The following ALS2CL variants were observed in gnomAD, a reference collection of about 807,000 sequenced individuals.
ALS2CL encodes the protein ALS2 C-terminal-like protein.
A neutral mutation model predicts 127.9 loss-of-function variants in ALS2CL; 112 were observed. The observed-to-expected ratio is 0.88, with a 90% CI of 0.75 to 1.02. The LOEUF (loss-of-function observed/expected upper bound fraction) is 1.02, where lower values mean the gene tolerates loss of function less well. ALS2CL is among the 50% of genes least tolerant of loss of function. ALS2CL has a pLI of 0.00. For synonymous variants in ALS2CL, 519 were observed against 527.6 expected (o/e 0.98, Z 0.22); for missense variants, 1,174 against 1,236.7 (o/e 0.95, Z 0.76).
At chr3:46,671,373 T>G in intron 25 of ALS2CL, 115 bp downstream of exon 25, 86 of 1,486,424 alleles carry the variant, frequency 5.8e-5, no homozygotes, top group Non-Finnish European at 7.0e-5. Context: ...GAGTCACACA[T>G]GAGCTGTGAA....
chr3:46,683,939 T>C (rs1699568019), intron 8 of ALS2CL, 50 bp downstream of exon 8: 1 of 1,612,970 alleles, frequency 6.2e-7, no homozygotes. Flanking sequence ...GCAGGTGTCA[T>C]GGGGGTAAAG....
In ALS2CL at chr3:46,681,687, C is replaced by G. The variant is rs144068341; in HGVS notation, c.1176-89G>C. ...ATGCCACCCAGGAGTATCCCTGCCC[C>G]CAAGGAGCCTTCCAGACAACAGGGA... On this transcript the variant is annotated intron_variant, in intron 11 of 25. Transcript: ENST00000318962. The surrounding 1 kb of genome is among the most constrained non-coding windows in gnomAD (Gnocchi z 4.9). The G allele has an allele frequency of 3.2e-4, 426 of 1,328,022 alleles. 1 individual carries two copies. In the African/African-American group the frequency reaches 5.2e-3, roughly 16 times the overall value. 82.3% of individuals were successfully genotyped at this position (1,328,022 alleles called of 1,614,324 possible). A position where few individuals can be genotyped will look rare whatever the true frequency, so the allele number is the denominator to read the frequency against.
rs778298581 is a variant in ALS2CL at position 46,681,329 on chromosome 3, C to G, written c.1353G>C (p.Pro451=). Residue 451 remains proline, a synonymous_variant, in exon 13 of 26, where the codon CCG becomes CCC. Coordinates refer to ENST00000318962, the MANE Select transcript of ALS2CL (RefSeq NM_147129.5). The surrounding 1 kb of genome is among the most constrained non-coding windows in gnomAD (Gnocchi z 4.9). ...RHGFGVLESG[P]QAPQPFRYTG... is the part of the protein sequence containing the mutation. ...TGTACCTGAAGGGCTGGGGGGCCTG[C>G]GGACCACTCTCAAGGACCCCAAATC... The G allele has an allele frequency of 2.5e-6, 4 of 1,613,426 alleles. No homozygotes were observed. Among genetic ancestry groups the G allele is most frequent in the Non-Finnish European group, 3.4e-6 (4 of 1,179,648 alleles).
chr3:46,686,296 C>T lies in ALS2CL; in HGVS notation c.666+12G>A, dbSNP rs114487642. 2.5e-6 allele frequency: 4 copies of T among 1,602,342 alleles called. No homozygotes were observed. Among genetic ancestry groups the T allele is most frequent in the African/African-American group, 1.3e-5 (1 of 74,680 alleles). Reference sequence around the variant, plus strand: ...ACCCCCTCCCTAACTGCCCCTCAGGCCCCCAACTCACCCTCAGCCGGCCTC... The same window carrying T: ...ACCCCCTCCCTAACTGCCCCTCAGGTCCCCAACTCACCCTCAGCCGGCCTC... On this transcript the variant is annotated intron_variant, in intron 6 of 25. Coordinates refer to ENST00000318962, the MANE Select transcript of ALS2CL (RefSeq NM_147129.5). The surrounding 1 kb of genome is among the most constrained non-coding windows in gnomAD (Gnocchi z 4.3).
In ALS2CL at chr3:46,678,657, C is replaced by A. The variant is rs183344123; in HGVS notation, c.1627-268G>T. Among the ~76,000 whole-genome samples the A allele has an allele frequency of 2.7e-3, 409 of 152,294 alleles. 1 individual carries two copies. The highest frequency in any genetic ancestry group is 0.017 in the Middle Eastern group (5 of 294). On this transcript the variant is annotated intron_variant, in intron 15 of 25. Transcript: ENST00000318962. ...GAGAGATGCAGAAGGGACTCACAGG[C>A]AAGAGTGGGGAGACCACCACTGAGG...
chr3:46,685,440 C>A, intron 7 of ALS2CL, 85 bp downstream of exon 7: 2 of 1,564,458 alleles, frequency 1.3e-6, no homozygotes, highest in South Asian at 1.2e-5. Flanking sequence ...TCAGTCCCAG[C>A]AGCATGCCCC....
At position 46,681,475 on chromosome 3, in the gene ALS2CL, G is replaced by T; in HGVS notation, c.1274+25C>A. ...AGCCCAGAGGATGGGCCCAGCCCATGAACCCCCCAGCCAGGGTCACTTACT... is the reference window on the plus strand; with the variant it reads ...AGCCCAGAGGATGGGCCCAGCCCATTAACCCCCCAGCCAGGGTCACTTACT... On this transcript the variant is annotated intron_variant, in intron 12 of 25. Coordinates refer to ENST00000318962, the MANE Select transcript of ALS2CL (RefSeq NM_147129.5). This position sits in a 1 kb window ranked among gnomAD's most constrained non-coding sequence, Gnocchi z 4.9. The T allele has an allele frequency of 6.2e-7, 1 of 1,613,960 alleles. No individual in the cohort carries two copies. Among genetic ancestry groups the T allele is most frequent in the Non-Finnish European group, 8.5e-7 (1 of 1,179,882 alleles).
Position 46,688,107 on chromosome 3 carries a change from G to A in ALS2CL, c.293C>T (p.Ala98Val), listed in dbSNP as rs775134849. 2.4e-5 allele frequency: 39 copies of A among 1,613,074 alleles called. No homozygotes were observed. The highest frequency in any genetic ancestry group is 3.1e-5 in the Non-Finnish European group (37 of 1,179,984). The stretch of plus-strand genomic sequence containing the variant: ...CCTCCAGTGGTCTTACTCTATGTGG[G>A]CCTGCAGTACACGGTCAGCACCTCG... The part of the protein sequence containing the change: ...LLRGADRVLQ[A>V]HIEYIESYTS... The change falls in exon 3 of 26, where the codon GCC (alanine) becomes GTC (valine). Residue 98 changes from alanine to valine, a missense_variant. Ala to Val is a moderately conservative substitution (Grantham distance 64). Coordinates refer to ENST00000318962, the MANE Select transcript of ALS2CL (RefSeq NM_147129.5).
intron 13 of ALS2CL, chr3:46,680,972 A>C (rs1028665339): frequency 5.1e-6 from 3 of 586,166 alleles, no homozygotes; most frequent in African/African-American, 1.9e-5. Flanking sequence ...GAGAGCCAGC[A>C]AGGGCTGCAG....
chr3:46,679,310 G>A, intron 14 of ALS2CL, 23 bp from the exon 15 acceptor site: 1 of 1,553,662 alleles, frequency 6.4e-7, no homozygotes, highest in Non-Finnish European at 8.7e-7. Flanking sequence ...AAGCCAGGGA[G>A]GGTAGAAAGG....
Position 46,689,351 on chromosome 3 carries a change from G to A in ALS2CL, c.90C>T (p.Pro30=). 6.2e-7 allele frequency: 1 copy of A among 1,612,852 alleles called. No individual in the cohort carries two copies. Among genetic ancestry groups the A allele is most frequent in the African/African-American group, 1.3e-5 (1 of 75,028 alleles). Residue 30 remains proline, a synonymous_variant, in exon 2 of 26, where the codon CCC becomes CCT. Coordinates refer to ENST00000318962, the MANE Select transcript of ALS2CL (RefSeq NM_147129.5). ...GCCTAGACTCACCGGCTGGGAGCAGGGGCTGGAGGACAAGGCTGTTGACAT... is the reference window on the plus strand; with the variant it reads ...GCCTAGACTCACCGGCTGGGAGCAGAGGCTGGAGGACAAGGCTGTTGACAT... The part of the protein sequence containing the change: ...LAHVNSLVLQ[P]LLPAAPDPSD...
intron 1 of ALS2CL, 69 bp downstream of exon 1, chr3:46,693,574 C>G (rs560934135): frequency 1.3e-5 from 2 of 152,536 alleles, no homozygotes; most frequent in South Asian, 4.1e-4. Flanking sequence ...CGGGAGCCCC[C>G]ACCTGGACGA....
chr3:46,675,562 A>G, intron 20 of ALS2CL, 56 bp downstream of exon 20: 1 of 1,545,782 alleles, frequency 6.5e-7, no homozygotes, highest in Non-Finnish European at 8.9e-7. Context: ...TCCTAGGAGC[A>G]GACGCATGAG....
In ALS2CL at chr3:46,671,925, G is replaced by T; in HGVS notation, c.2643C>A (p.Asp881Glu). Residue 881 changes from aspartate to glutamate, a missense_variant, in exon 24 of 26, where the codon GAC (aspartate) becomes GAA (glutamate). Coordinates refer to ENST00000318962, the MANE Select transcript of ALS2CL (RefSeq NM_147129.5). ...VLGREYKLPM[D>E]DLLPLLIYVV... is the part of the protein sequence containing the mutation. ...CGTAGATGAGAAGTGGCAGCAGGTC[G>T]TCCATGGGCAGCTTGTACTCCCGGC... The T allele has an allele frequency of 6.2e-7, 1 of 1,613,862 alleles. No individual in the cohort carries two copies. Among genetic ancestry groups the T allele is most frequent in the South Asian group, 1.1e-5 (1 of 91,070 alleles).
chr3:46,676,654 C>CA lies in ALS2CL; in HGVS notation c.2015dup (p.Tyr673ValfsTer75). 1 of 1,613,484 alleles carries CA rather than the reference C, an allele frequency of 6.2e-7. No individual in the cohort carries two copies. Among genetic ancestry groups the CA allele is most frequent in the Non-Finnish European group, 8.5e-7 (1 of 1,179,914 alleles). ...GCAGGGCTCTCACCTTCCTGAGGTA[C>CA]AGCTGCAGGGCCTTGGGCTCCCGGT... On this transcript the variant is annotated frameshift_variant, in exon 18 of 26. Transcript: ENST00000318962. LOFTEE classifies it high-confidence loss of function.
intron 4 of ALS2CL, 36 bp downstream of exon 4, chr3:46,687,583 C>A (rs767029196): frequency 1.2e-6 from 2 of 1,608,726 alleles, no homozygotes; most frequent in Non-Finnish European, 1.7e-6. Context: ...GGCACTCCCA[C>A]CCTGTCAGGG....
chr3:46,673,112 C>T (rs1414095245), intron 22 of ALS2CL, among the ~76,000 whole-genome samples: 1 of 152,212 alleles, frequency 6.6e-6, no homozygotes, highest in Non-Finnish European at 1.5e-5. Context: ...GCCTCTTGCA[C>T]ACGGTCACAC....
chr3:46,690,452 A>G (rs951482072), intron 1 of ALS2CL, among the ~76,000 whole-genome samples: 2 of 152,112 alleles, frequency 1.3e-5, no homozygotes, highest in African/African-American at 2.4e-5. Context: ...GGACCTTCCA[A>G]TCAGGCAGGA....
rs1429054689 is a variant in ALS2CL at position 46,681,477 on chromosome 3, A to AC, written c.1274+22dup. On this transcript the variant is annotated intron_variant, in intron 12 of 25. Transcript: ENST00000318962. This position sits in a 1 kb window ranked among gnomAD's most constrained non-coding sequence, Gnocchi z 4.9. Reference sequence around the variant, plus strand: ...CCCAGAGGATGGGCCCAGCCCATGAACCCCCCAGCCAGGGTCACTTACTCA... The same window carrying AC: ...CCCAGAGGATGGGCCCAGCCCATGAACCCCCCCAGCCAGGGTCACTTACTCA... 1.2e-6 allele frequency: 2 copies of AC among 1,613,800 alleles called. No homozygotes were observed. Among genetic ancestry groups the AC allele is most frequent in the African/African-American group, 1.3e-5 (1 of 74,982 alleles).
Sources: gnomAD v4.1 joint callset for allele counts (sites outside exome capture counted in the v4.1 genomes callset) on GRCh38, gnomAD v4.1.1 for gene constraint, Gnocchi (gnomAD v3.1) non-coding constraint, MANE v1.5 for transcripts, NCBI Gene and HGNC (gene_info 2026-07-23, HGNC 2026-07-21) for gene names.